TNRC6C: variants seen among roughly 807,000 people sequenced by gnomAD.
TNRC6C encodes the protein trinucleotide repeat containing adaptor 6C.
Under a neutral mutation model 153.7 loss-of-function variants are expected in TNRC6C, and 20 were observed. That is an observed-to-expected ratio of 0.13 (90% CI 0.09 to 0.19). The LOEUF (loss-of-function observed/expected upper bound fraction) is 0.19. Ranked by LOEUF, TNRC6C falls within the 10% of genes least tolerant of loss-of-function variation. The pLI, the probability that TNRC6C is intolerant of heterozygous loss-of-function variation, is 1.00. For synonymous variants in TNRC6C, 811 were observed against 841.4 expected (o/e 0.96, Z 0.63); for missense variants, 1,987 against 2,172.0 (o/e 0.91, Z 1.69).
At chr17:78,039,309 G>GCCCCCCCCCCCC (rs11306576) in intron 2 of TNRC6C, among the ~76,000 whole-genome samples, 18 of 113,466 alleles carry the variant, frequency 1.6e-4, no homozygotes, top group African/African-American at 5.7e-4. Flanking sequence ...TTCAAATCTT[G>GCCCCCCCCCCCC]CCCCCCCCCC....
chr17:77,996,955 A>G (rs57650354), intron 1 of TNRC6C, among the ~76,000 whole-genome samples: 2,013 of 152,268 alleles, frequency 0.013, 51 homozygotes, highest in African/African-American at 0.045. Flanking sequence ...CATCAACCTT[A>G]TTTCACAGAG....
intron 7 of TNRC6C, 104 bp downstream of exon 9, chr17:78,073,198 T>A (rs2073027704): frequency 5.1e-6 from 5 of 983,810 alleles, no homozygotes; most frequent in Non-Finnish European, 7.5e-6. Flanking sequence ...ATGTCCTGGG[T>A]AGACAGGACC....
chr17:78,013,529 A>G (rs891912706), intron 1 of TNRC6C, among the ~76,000 whole-genome samples: 41 of 152,222 alleles, frequency 2.7e-4, no homozygotes, highest in African/African-American at 9.4e-4. Context: ...TACTGTGCTG[A>G]TTGCTATGGG....
chr17:77,972,232 G>GC (rs1384429379), intron 1 of TNRC6C, among the ~76,000 whole-genome samples: 1 of 152,064 alleles, frequency 6.6e-6, no homozygotes, highest in Non-Finnish European at 1.5e-5. Context: ...GAAAGAGAGG[G>GC]CCAGGCGCGG....
intron 17 of TNRC6C, among the ~76,000 whole-genome samples, chr17:78,100,742 T>C (rs780289503): frequency 1.8e-4 from 27 of 151,790 alleles, no homozygotes; most frequent in Non-Finnish European, 2.9e-4. Context: ...GCACCCAGCT[T>C]GAATTTTTCC....
Position 78,104,335 on chromosome 17 carries a change from T to C in TNRC6C, c.4713-150T>C. ...TAGAAGTCTGAACTGAGCAAAACAT[T>C]CACAGTCTGGGTTTGGAAATAGCAG... is the stretch of plus-strand genomic sequence containing the variant. On this transcript the variant is annotated intron_variant, in intron 19 of 19. Coordinates refer to ENST00000301624, the Ensembl canonical transcript of TNRC6C. The surrounding 1 kb of genome is among the most constrained non-coding windows in gnomAD (Gnocchi z 6.2). The C allele has an allele frequency of 1.8e-6, 2 of 1,106,160 alleles. No individual in the cohort carries two copies. Among genetic ancestry groups the C allele is most frequent in the East Asian group, 3.0e-5 (1 of 32,806 alleles). 68.5% of individuals were successfully genotyped at this position (1,106,160 alleles called of 1,614,324 possible).
intron 1 of TNRC6C, among the ~76,000 whole-genome samples, chr17:77,964,064 G>T (rs1018792425): frequency 1.3e-5 from 2 of 152,130 alleles, no homozygotes; most frequent in Non-Finnish European, 2.9e-5. Context: ...GAGTCATCTG[G>T]AATCTTCCAG....
chr17:78,103,680 C>T (rs2073637455), intron 19 of TNRC6C, 127 bp downstream of exon 22: 4 of 1,326,388 alleles, frequency 3.0e-6, no homozygotes, highest in Non-Finnish European at 4.1e-6. Context: ...CACCCTCCCA[C>T]TTCTGGAGGC....
intron 1 of TNRC6C, among the ~76,000 whole-genome samples, chr17:77,966,739 G>A (rs2070899761): frequency 6.6e-6 from 1 of 152,136 alleles, no homozygotes; most frequent in Non-Finnish European, 1.5e-5. Flanking sequence ...ATAGACGTCT[G>A]CTGTTAATTA....
upstream of TNRC6C, among the ~76,000 whole-genome samples, chr17:78,003,863 G>C (rs1316145953): frequency 6.6e-6 from 1 of 152,184 alleles, no homozygotes; most frequent in Non-Finnish European, 1.5e-5. Flanking sequence ...AGGTATTCGA[G>C]ACCAGACTAG....
At chr17:78,073,296 A>G (rs997212372) in intron 7 of TNRC6C, among the ~76,000 whole-genome samples, 1 of 152,252 alleles carries the variant, frequency 6.6e-6, no homozygotes, top group African/African-American at 2.4e-5. Context: ...TGAATCGCCA[A>G]TGCCATATTT....
chr17:78,086,074 G>T (rs1414368045), intron 11 of TNRC6C, among the ~76,000 whole-genome samples: 3 of 152,036 alleles, frequency 2.0e-5, no homozygotes, highest in Admixed American at 6.5e-5. Flanking sequence ...GCTCATGCCT[G>T]TAATCCCAGC....
chr17:78,009,390 A>G (rs1026284889), intron 1 of TNRC6C, among the ~76,000 whole-genome samples: 8 of 152,112 alleles, frequency 5.3e-5, no homozygotes, highest in African/African-American at 1.9e-4. Context: ...ATTAACTATG[A>G]TAATTTTCAT....
At chr17:78,077,211 G>T in exon 9 of TNRC6C, 2 of 1,602,396 alleles carry the variant, frequency 1.2e-6, no homozygotes, top group Non-Finnish European at 8.5e-7. Flanking sequence ...AAGAGCCCAC[G>T]CCTTCACCGT....
chr17:77,976,128 C>T (rs774858157), intron 1 of TNRC6C, among the ~76,000 whole-genome samples: 3 of 152,202 alleles, frequency 2.0e-5, no homozygotes, highest in Non-Finnish European at 4.4e-5. Flanking sequence ...AAGTTTCTCA[C>T]ATTGTAGGCT....
intron 9 of TNRC6C, among the ~76,000 whole-genome samples, chr17:78,078,027 C>T (rs778835008): frequency 5.9e-5 from 9 of 152,206 alleles, no homozygotes; most frequent in Non-Finnish European, 1.2e-4. Flanking sequence ...CACACACACA[C>T]CGCTTGGAGA....
intron 13 of TNRC6C, 127 bp from the exon 16 acceptor site, chr17:78,091,313 C>G: frequency 9.0e-7 from 1 of 1,114,036 alleles, no homozygotes; most frequent in Non-Finnish European, 1.2e-6. Flanking sequence ...GCATCAAGAG[C>G]AAGACTCCGT....
chr17:78,106,234 T>A (rs1432072309), exon 20 of TNRC6C: 1 of 148,648 alleles, frequency 6.7e-6, no homozygotes, highest in East Asian at 2.0e-4. Flanking sequence ...TTTAAAATTT[T>A]AAAAATTTAA....
chr17:77,996,342 A>G (rs1031007752), intron 1 of TNRC6C, among the ~76,000 whole-genome samples: 1 of 152,206 alleles, frequency 6.6e-6, no homozygotes, highest in African/African-American at 2.4e-5. Flanking sequence ...AACATTTGGA[A>G]GGAAGTGAGG....
Sources: allele counts gnomAD v4.1 joint callset (sites outside exome capture counted in the v4.1 genomes callset), GRCh38; gene constraint gnomAD v4.1.1; non-coding constraint Gnocchi (gnomAD v3.1); transcripts MANE v1.5; gene names NCBI Gene and HGNC (gene_info 2026-07-23, HGNC 2026-07-21).